TUT4: variants seen among roughly 807,000 people sequenced by gnomAD.
TUT4 encodes the protein terminal uridylyl transferase 4.
In TUT4, 36 loss-of-function variants were observed where a neutral mutation model predicts 192.2. The ratio of observed to expected loss-of-function variants is 0.19; its 90% CI spans 0.14 to 0.25. TUT4 has a LOEUF of 0.25. TUT4 is among the 10% of genes least tolerant of loss of function. TUT4 has a pLI of 1.00. For missense variants in TUT4, 1,493 were observed against 1,957.2 expected (o/e 0.76, Z 4.47); for synonymous variants, 618 against 666.0 (o/e 0.93, Z 1.11).
intron 16 of TUT4, chr1:52,462,332 C>G (rs1287778364): frequency 6.6e-6 from 1 of 152,146 alleles, no homozygotes; most frequent in Non-Finnish European, 1.5e-5. Context: ...ACTACAGGCA[C>G]CCGCCACCGT....
At chr1:52,514,762 A>G (rs1678246018) in intron 3 of TUT4, 1 of 151,468 alleles carries the variant, frequency 6.6e-6, no homozygotes, top group Non-Finnish European at 1.5e-5. Context: ...CTGTTTGTCA[A>G]TAGTTTTATT....
At chr1:52,441,045 C>T (rs1461688810) in intron 24 of TUT4, among the ~76,000 whole-genome samples, 11 of 151,998 alleles carry the variant, frequency 7.2e-5, no homozygotes, top group African/African-American at 2.2e-4. Context: ...TAACTGAAAA[C>T]GCTTTTCACA....
At chr1:52,479,556 C>T (rs936329115) in intron 11 of TUT4, among the ~76,000 whole-genome samples, 2 of 152,122 alleles carry the variant, frequency 1.3e-5, no homozygotes, top group Non-Finnish European at 1.5e-5. Context: ...TAAAGGATGA[C>T]TCCAAGGTTA....
At chr1:52,540,605 T>G (rs985626912) in intron 1 of TUT4, among the ~76,000 whole-genome samples, 2 of 152,168 alleles carry the variant, frequency 1.3e-5, no homozygotes, top group Non-Finnish European at 2.9e-5. Flanking sequence ...TTTGTGAAGT[T>G]ACTATAATTA....
rs1014029683 is a variant in TUT4 at position 52,544,014 on chromosome 1, C to A, written c.-94+8917G>T. On this transcript the variant is annotated intron_variant, in intron 1 of 29. Coordinates refer to ENST00000257177, the MANE Select transcript of TUT4 (RefSeq NM_001009881.3). ...ACAAAGCTACAATAATCAGGCTGGG[C>A]ACAGTGGCTCATGCCTGTAATCCCA... Among the ~76,000 whole-genome samples the A allele has an allele frequency of 2.6e-5, 4 of 152,004 alleles. No homozygotes were observed. The South Asian group carries it at 8.3e-4, about 32-fold the overall frequency.
chr1:52,426,402 T>G (rs948498259), intron 28 of TUT4, among the ~76,000 whole-genome samples: 1 of 152,210 alleles, frequency 6.6e-6, no homozygotes, highest in African/African-American at 2.4e-5. Flanking sequence ...AAGTACATTT[T>G]TCGAAGTGCA....
chr1:52,502,851 T>C (rs1180410354), intron 4 of TUT4, among the ~76,000 whole-genome samples: 2 of 152,090 alleles, frequency 1.3e-5, no homozygotes, highest in Non-Finnish European at 2.9e-5. Flanking sequence ...CTCAAACTCC[T>C]GAGCTCAGGA....
At chr1:52,495,813 T>C (rs1056694863) in intron 5 of TUT4, among the ~76,000 whole-genome samples, 2 of 152,166 alleles carry the variant, frequency 1.3e-5, no homozygotes, top group African/African-American at 4.8e-5. Flanking sequence ...ATTCAATATA[T>C]AACAGTAACT....
rs767923589 is a variant in TUT4, at chr1:52,423,711, A to G, written c.*224T>C. On this transcript the variant is annotated 3_prime_UTR_variant, in exon 30 of 30. Coordinates refer to ENST00000257177, the MANE Select transcript of TUT4 (RefSeq NM_001009881.3). ...GTGATACTAGTAAAAACTATAGTTC[A>G]TATTTATATACAAATAATACAGTCT... 2 of 1,043,216 alleles carry G rather than the reference A, an allele frequency of 1.9e-6. No homozygotes were observed. Among genetic ancestry groups the G allele is most frequent in the African/African-American group, 1.6e-5 (1 of 62,140 alleles). The allele number at this position is 1,043,216 out of a possible 1,614,324, so 64.6% of individuals were successfully genotyped here.
chr1:52,533,784 C>T (rs1021634031), intron 1 of TUT4, among the ~76,000 whole-genome samples: 1 of 151,902 alleles, frequency 6.6e-6, no homozygotes, highest in African/African-American at 2.4e-5. Flanking sequence ...CCTGGCATGG[C>T]GAAATCTCGT....
intron 13 of TUT4, among the ~76,000 whole-genome samples, chr1:52,473,012 T>A (rs1033341426): frequency 6.6e-6 from 1 of 152,118 alleles, no homozygotes; most frequent in Non-Finnish European, 1.5e-5. Flanking sequence ...AAGCTTTTTT[T>A]AAAAAATGAC....
chr1:52,483,892 T>G (rs1259822855), intron 9 of TUT4, among the ~76,000 whole-genome samples: 1 of 152,162 alleles, frequency 6.6e-6, no homozygotes. Context: ...CTGCAGCTGA[T>G]GTAGTCCCAG....
At chr1:52,528,862 A>C (rs1480942306) in intron 1 of TUT4, among the ~76,000 whole-genome samples, 1 of 152,002 alleles carries the variant, frequency 6.6e-6, no homozygotes, top group African/African-American at 2.4e-5. Context: ...ACACAGGCGC[A>C]CACCACCACA....
intron 12 of TUT4, among the ~76,000 whole-genome samples, chr1:52,476,739 T>C (rs903412484): frequency 6.6e-6 from 1 of 152,180 alleles, no homozygotes; most frequent in Admixed American, 6.5e-5. Context: ...GTACAAGATG[T>C]GTATAAATGT....
At chr1:52,520,851 G>T (rs893181510) in intron 2 of TUT4, among the ~76,000 whole-genome samples, 2 of 152,072 alleles carry the variant, frequency 1.3e-5, no homozygotes, top group Admixed American at 1.3e-4. Context: ...GGGGTGCAAT[G>T]ACGCGATCTC....
intron 3 of TUT4, among the ~76,000 whole-genome samples, chr1:52,512,382 G>A (rs1313301191): frequency 1.3e-5 from 2 of 152,092 alleles, no homozygotes; most frequent in Non-Finnish European, 2.9e-5. Context: ...TGTTATAATT[G>A]TTATCAATCC....
At chr1:52,458,093 T>A (rs1557710649) in intron 20 of TUT4, among the ~76,000 whole-genome samples, 1 of 152,218 alleles carries the variant, frequency 6.6e-6, no homozygotes, top group Non-Finnish European at 1.5e-5. Context: ...CTGTAAAATT[T>A]AAAAACATTA....
chr1:52,459,642 T>G (rs1661986078), intron 19 of TUT4, among the ~76,000 whole-genome samples: 2 of 151,650 alleles, frequency 1.3e-5, no homozygotes, highest in African/African-American at 4.9e-5. Flanking sequence ...TCACAGCACT[T>G]TGGGAGGCCG....
chr1:52,528,178 C>CAAAAAAA (rs1557967335), intron 1 of TUT4, among the ~76,000 whole-genome samples: 1 of 143,372 alleles, frequency 7.0e-6, no homozygotes, highest in African/African-American at 2.6e-5. Context: ...GACTCCATCT[C>CAAAAAAA]GAAAAAAATA....
Sources: allele counts gnomAD v4.1 joint callset (sites outside exome capture counted in the v4.1 genomes callset), GRCh38; gene constraint gnomAD v4.1.1; transcripts MANE v1.5; gene names NCBI Gene and HGNC (gene_info 2026-07-23, HGNC 2026-07-21).